Variants in USP39 observed in about 807,000 individuals in gnomAD.
USP39 encodes ubiquitin carboxyl-terminal hydrolase 39.
Under a neutral mutation model 66.4 loss-of-function variants are expected in USP39, and 38 were observed. The observed-to-expected ratio is 0.57, with a 90% CI of 0.44 to 0.75. USP39 has a LOEUF of 0.75. Ranked by LOEUF, USP39 falls within the 30% of genes least tolerant of loss-of-function variation. The pLI is 0.00. For missense variants in USP39, 608 were observed against 714.4 expected (o/e 0.85, Z 1.70); for synonymous variants, 303 against 274.6 (o/e 1.10, Z -1.02).
chr2:85,625,572 A>G lies in USP39; in HGVS notation c.604A>G (p.Ile202Val), dbSNP rs1352483134. ...GAAGCCCACTTTCACAAAGCAGCAA[A>G]TTGCAAACTTGGACAAGCAAGCCAA... ...VLKPTFTKQQ[I>V]ANLDKQAKLS... The change falls in exon 5 of 13, where the codon ATT (isoleucine) becomes GTT (valine). Residue 202 changes from isoleucine to valine, a missense_variant. By Grantham distance (29) the Ile-to-Val change is conservative (BLOSUM62 3). Transcript: ENST00000323701. 6.2e-7 allele frequency: 1 copy of G among 1,614,114 alleles called. No individual in the cohort carries two copies.
At chr2:85,615,773 G>A (rs946726089), upstream of USP39, among the ~76,000 whole-genome samples, 1 of 152,220 alleles carries the variant, frequency 6.6e-6, no homozygotes, top group Non-Finnish European at 1.5e-5. Flanking sequence ...TGGGATTACA[G>A]GCATGCGCCA....
At chr2:85,604,890 A>G (rs975006363) in intron 1 of USP39, among the ~76,000 whole-genome samples, 1 of 152,236 alleles carries the variant, frequency 6.6e-6, no homozygotes, top group African/African-American at 2.4e-5. Context: ...GGCAAGGCAT[A>G]GTAGTCCAGA....
At chr2:85,638,838 A>ATT (rs199596765) in intron 8 of USP39, among the ~76,000 whole-genome samples, 66 of 132,294 alleles carry the variant, frequency 5.0e-4, no homozygotes, top group African/African-American at 9.4e-4. Context: ...TGCCCGGCCA[A>ATT]TTTTTTTTTT....
chr2:85,614,979 A>AGTGTGGTGTGGTGTG (rs146502279), upstream of USP39, among the ~76,000 whole-genome samples: 3,017 of 145,038 alleles, frequency 0.021, 107 homozygotes, highest in African/African-American at 0.069. Flanking sequence ...AATTGCACAC[A>AGTGTGGTGTGGTGTG]GTGTGGTGTG....
chr2:85,642,746 T>C (rs1676333177), intron 10 of USP39, among the ~76,000 whole-genome samples: 1 of 152,238 alleles, frequency 6.6e-6, no homozygotes, highest in South Asian at 2.1e-4. Context: ...GAAAAGGATC[T>C]TTTTCATACC....
At chr2:85,619,641 G>A (rs1401881216) in intron 2 of USP39, among the ~76,000 whole-genome samples, 1 of 151,366 alleles carries the variant, frequency 6.6e-6, no homozygotes, top group African/African-American at 2.4e-5. Flanking sequence ...AGCTGAGGTA[G>A]TTTACCTCAT....
upstream of USP39, among the ~76,000 whole-genome samples, chr2:85,615,037 T>C (rs534989776): frequency 3.8e-5 from 5 of 131,092 alleles, no homozygotes; most frequent in African/African-American, 1.8e-4. Context: ...GTGGTGTGGG[T>C]ATGACAGAGT....
At position 85,645,027 on chromosome 2, in the gene USP39, A is replaced by G; in HGVS notation, c.1507A>G (p.Ile503Val). 1.9e-6 allele frequency: 3 copies of G among 1,614,166 alleles called. No individual in the cohort carries two copies. The highest frequency in any genetic ancestry group is 1.7e-6 in the Non-Finnish European group (2 of 1,180,028). ...KNTTYDLIAN[I>V]VHDGKPSEGS... is the part of the protein sequence containing the mutation. ...TACCACCTATGACCTCATTGCCAAC[A>G]TCGTGCATGACGGCAAGCCCTCCGA... The change falls in exon 11 of 13, where the codon ATC becomes GTC. Residue 503 changes from isoleucine (I) to valine (V), a missense_variant. Physicochemically the swap from Ile to Val is conservative, Grantham distance 29. Around this residue, in one of 6 missense-constraint regions of USP39, gnomAD observed 164 missense variants for 250.3 expected, o/e 0.66. Coordinates refer to ENST00000323701, the MANE Select transcript of USP39 (RefSeq NM_006590.4).
In USP39 at chr2:85,623,788, T is replaced by TTAG. The variant is rs1171309025; in HGVS notation, c.570+6_570+7insTAG. 1 of 1,607,678 alleles carries TTAG rather than the reference T, an allele frequency of 6.2e-7. No individual in the cohort carries two copies. Among genetic ancestry groups the TTAG allele is most frequent in the South Asian group, 1.1e-5 (1 of 89,966 alleles). ...CCTCATTGGAGGATATCACGGTGTGTGTCTAAGAGGGTTGGTTTGGGGTCC... is the reference window on the plus strand; with the variant it reads ...CCTCATTGGAGGATATCACGGTGTGTTAGGTCTAAGAGGGTTGGTTTGGGGTCC... On this transcript the variant is annotated splice_region_variant and intron_variant, in intron 4 of 12. Transcript: ENST00000323701.
chr2:85,643,493 CAAA>C (rs1365636402), intron 10 of USP39, among the ~76,000 whole-genome samples: 1 of 129,056 alleles, frequency 7.7e-6, no homozygotes, highest in African/African-American at 2.9e-5. Context: ...GACTCTGTCT[CAAA>C]AAAAAAAAAG....
intron 11 of USP39, among the ~76,000 whole-genome samples, chr2:85,645,472 CG>C (rs1301066430): frequency 6.6e-6 from 1 of 152,010 alleles, no homozygotes; most frequent in Non-Finnish European, 1.5e-5. Context: ...TTAGTAGAGA[CG>C]GGGTTTTACG....
chr2:85,641,223 A>G, intron 10 of USP39, 105 bp downstream of exon 10: 1 of 1,413,772 alleles, frequency 7.1e-7, no homozygotes, highest in Non-Finnish European at 9.8e-7. Flanking sequence ...GGGGATTACA[A>G]GGAACAGAGC....
chr2:85,636,209 T>A, intron 7 of USP39, 79 bp downstream of exon 7: 1 of 1,358,908 alleles, frequency 7.4e-7, no homozygotes, highest in Non-Finnish European at 1.0e-6. Flanking sequence ...GGCTCATGCC[T>A]ATAATCCCAG....
upstream of USP39, chr2:85,609,076 AG>A: frequency 6.2e-7 from 1 of 1,613,890 alleles, no homozygotes; most frequent in Non-Finnish European, 8.5e-7. Flanking sequence ...CCCTACGTGG[AG>A]GAAGAGTCAG....
chr2:85,640,021 G>C (rs1287922954), intron 9 of USP39, among the ~76,000 whole-genome samples: 2 of 151,334 alleles, frequency 1.3e-5, no homozygotes, highest in Non-Finnish European at 2.9e-5. Flanking sequence ...GCTGGGACTA[G>C]ACACACTCCA....
At chr2:85,631,369 G>A (rs1312684649) in intron 6 of USP39, among the ~76,000 whole-genome samples, 1 of 147,518 alleles carries the variant, frequency 6.8e-6, no homozygotes, top group Non-Finnish European at 1.5e-5. Flanking sequence ...AGGCTGGAGT[G>A]CAGTGGCGGG....
chr2:85,623,552 A>G (rs1674620897), intron 3 of USP39, 94 bp from the exon 4 acceptor site: 5 of 1,460,862 alleles, frequency 3.4e-6, no homozygotes, highest in South Asian at 1.5e-5. Context: ...GGATATTAAC[A>G]TGTTCCGGTA....
At chr2:85,612,962 CTT>C (rs374731788), upstream of USP39, among the ~76,000 whole-genome samples, 47 of 144,744 alleles carry the variant, frequency 3.2e-4, no homozygotes, top group South Asian at 8.7e-4. Context: ...TGCCCGGCCC[CTT>C]TTTTTTTTTT....
intron 9 of USP39, 74 bp downstream of exon 9, chr2:85,639,465 T>G (rs867088657): frequency 2.7e-6 from 4 of 1,477,540 alleles, no homozygotes; most frequent in African/African-American, 2.9e-5. Flanking sequence ...TTTTTTTTTT[T>G]TTTTTCAAGA....
Sources: allele counts gnomAD v4.1 joint callset (sites outside exome capture counted in the v4.1 genomes callset), GRCh38; gene constraint gnomAD v4.1.1; regional missense constraint gnomAD v4.1.1; transcripts MANE v1.5; gene names NCBI Gene and HGNC (gene_info 2026-07-23, HGNC 2026-07-21).